WDR86: variants seen among roughly 807,000 people sequenced by gnomAD.
WDR86 encodes WD repeat-containing protein 86.
In WDR86, 30 loss-of-function variants were observed where a neutral mutation model predicts 36.5. The ratio of observed to expected loss-of-function variants is 0.82; its 90% CI spans 0.61 to 1.11. The LOEUF (loss-of-function observed/expected upper bound fraction) is 1.11, where lower values mean the gene tolerates loss of function less well. Among genes scored for constraint, WDR86 ranks in the 50% most tolerant of loss-of-function variants. WDR86 has a pLI of 0.00. For missense variants in WDR86, 545 were observed against 561.2 expected (o/e 0.97, Z 0.29); for synonymous variants, 255 against 252.9 (o/e 1.01, Z -0.08).
intron 2 of WDR86, among the ~76,000 whole-genome samples, chr7:151,398,446 AGT>A (rs1800040113): frequency 6.7e-6 from 1 of 148,984 alleles, no homozygotes; most frequent in East Asian, 2.0e-4. Flanking sequence ...GTTGTGTATG[AGT>A]GTATGTGTGT....
In WDR86 at chr7:151,388,201, C is replaced by T. The variant is rs1394093162; in HGVS notation, c.727-2978G>A. Among the ~76,000 whole-genome samples, 1 of 152,256 alleles carries T rather than the reference C, an allele frequency of 6.6e-6. No homozygotes were observed. Among genetic ancestry groups the T allele is most frequent in the African/African-American group, 2.4e-5 (1 of 41,460 alleles). On this transcript the variant is annotated intron_variant, in intron 3 of 5. Coordinates refer to ENST00000334493, the MANE Select transcript of WDR86 (RefSeq NM_198285.3). This position sits in a 1 kb window ranked among gnomAD's most constrained non-coding sequence, Gnocchi z 4.2. The stretch of plus-strand genomic sequence containing the variant: ...TCCTGTAGGTCTTTCTTTTCTCTGG[C>T]TGGATTTGAAATGCTTCGTTTCTTT...
At chr7:151,402,070 A>AAAAAT in intron 1 of WDR86, among the ~76,000 whole-genome samples, 13 of 50,524 alleles carry the variant, frequency 2.6e-4, no homozygotes, top group African/African-American at 9.4e-4. Flanking sequence ...AAAAAAAAAA[A>AAAAAT]ATATATATAT....
In WDR86 at chr7:151,406,418, A is replaced by G. The variant is rs1465664104; in HGVS notation, c.163+3009T>C. ...AGGAAAAGCGTACGTAGGAGTCGCC[A>G]GCCCCAGCCACTCTGCTCGAGAAAT... On this transcript the variant is annotated intron_variant, in intron 1 of 5. Transcript: ENST00000334493. The surrounding 1 kb of genome is among the most constrained non-coding windows in gnomAD (Gnocchi z 4.4). 1.3e-5 allele frequency among the ~76,000 whole-genome samples: 2 copies of G among 152,256 alleles called. No individual in the cohort carries two copies. Among genetic ancestry groups the G allele is most frequent in the Non-Finnish European group, 2.9e-5 (2 of 68,046 alleles).
downstream of WDR86, among the ~76,000 whole-genome samples, chr7:151,380,366 A>G (rs1265683936): frequency 2.6e-5 from 4 of 152,196 alleles, no homozygotes; most frequent in South Asian, 2.1e-4. Flanking sequence ...TATCTTCTGC[A>G]TTAAGACTAT....
At chr7:151,398,410 T>C (rs111065602) in intron 2 of WDR86, among the ~76,000 whole-genome samples, 1,068 of 98,480 alleles carry the variant, frequency 0.011, 20 homozygotes, top group African/African-American at 0.035. Flanking sequence ...TGTATATGTA[T>C]GTTGTGCGTG....
rs899228685 is a variant in WDR86, at chr7:151,405,034, C to T, written c.163+4393G>A. On this transcript the variant is annotated intron_variant, in intron 1 of 5. Coordinates refer to ENST00000334493, the MANE Select transcript of WDR86 (RefSeq NM_198285.3). This position sits in a 1 kb window ranked among gnomAD's most constrained non-coding sequence, Gnocchi z 4.7. ...CACTGCTGACCTGGTTTGCTCCAGC[C>T]CTTGTAGCACAAGGGTTATTTTCAC... Among the ~76,000 whole-genome samples, 3 of 152,166 alleles carry T rather than the reference C, an allele frequency of 2.0e-5. No individual in the cohort carries two copies. Among genetic ancestry groups the T allele is most frequent in the Non-Finnish European group, 4.4e-5 (3 of 68,016 alleles).
intron 3 of WDR86, among the ~76,000 whole-genome samples, chr7:151,395,358 G>A (rs944624118): frequency 5.9e-5 from 9 of 152,148 alleles, no homozygotes; most frequent in African/African-American, 2.2e-4. Flanking sequence ...TTCACGTGTC[G>A]CAGCCCTACC....
rs1259635807 is a variant in WDR86 at position 151,409,992 on chromosome 7, AGCCGAGCGCCCCGCGCCCTCCCCG to A, written c.-427_-404del. ...CTGGGGCGGGGAGAGGAACACGGGA[AGCCGAGCGCCCCGCGCCCTCCCCG>A]GCCGAGCGCGGAACAATACGGTCCA... is the stretch of plus-strand genomic sequence containing the variant. On this transcript the variant is annotated 5_prime_UTR_variant, in exon 1 of 6. Coordinates refer to ENST00000334493, the MANE Select transcript of WDR86 (RefSeq NM_198285.3). The surrounding 1 kb of genome is among the most constrained non-coding windows in gnomAD (Gnocchi z 5.2). 2 of 1,003,272 alleles carry A rather than the reference AGCCGAGCGCCCCGCGCCCTCCCCG, an allele frequency of 2.0e-6. No homozygotes were observed. The highest frequency in any genetic ancestry group is 2.4e-6 in the Non-Finnish European group (2 of 842,218). 62.1% of individuals were successfully genotyped at this position (1,003,272 alleles called of 1,614,324 possible). A position where few individuals can be genotyped will look rare whatever the true frequency, so the allele number is the denominator to read the frequency against.
At chr7:151,376,896 G>A, downstream of WDR86, 1 of 1,465,242 alleles carries the variant, frequency 6.8e-7, no homozygotes, top group African/African-American at 1.4e-5. Flanking sequence ...CGGCAGATGT[G>A]GAGACTGAGG....
At chr7:151,393,234 G>A (rs1331785987) in intron 3 of WDR86, among the ~76,000 whole-genome samples, 1 of 152,188 alleles carries the variant, frequency 6.6e-6, no homozygotes, top group Non-Finnish European at 1.5e-5. Context: ...TGTGCCTGTG[G>A]GGTGTGCGTT....
At chr7:151,397,650 G>A (rs1171855938) in intron 2 of WDR86, among the ~76,000 whole-genome samples, 1 of 127,760 alleles carries the variant, frequency 7.8e-6, no homozygotes, top group African/African-American at 2.9e-5. Context: ...GGGCATAGCG[G>A]GAGGAAGGGC....
chr7:151,373,123 C>T (rs992218392), downstream of WDR86, among the ~76,000 whole-genome samples: 6 of 152,148 alleles, frequency 3.9e-5, no homozygotes, highest in Non-Finnish European at 8.8e-5. Flanking sequence ...CTGGGCTGGG[C>T]AGGAGGCAGG....
chr7:151,375,168 C>T (rs1412812625), downstream of WDR86, among the ~76,000 whole-genome samples: 1 of 152,154 alleles, frequency 6.6e-6, no homozygotes, highest in Non-Finnish European at 1.5e-5. Context: ...CCGGAAGGCT[C>T]CACAAGTCAG....
rs561848212 is a variant in WDR86 at position 151,382,127 on chromosome 7, C to T, written c.863-146G>A. 7.3e-6 allele frequency: 5 copies of T among 682,348 alleles called. No homozygotes were observed. In the East Asian group the frequency reaches 1.1e-4, roughly 15 times the overall value. The allele number at this position is 682,348 out of a possible 1,614,324, so 42.3% of individuals were successfully genotyped here. Reference sequence around the variant, plus strand: ...GGCTCATATGGGAAGTGGACAGTGCCCCTCCAGAGAAACGGGTCCCCACGG... The same window carrying T: ...GGCTCATATGGGAAGTGGACAGTGCTCCTCCAGAGAAACGGGTCCCCACGG... On this transcript the variant is annotated intron_variant, in intron 4 of 5. Coordinates refer to ENST00000334493, the MANE Select transcript of WDR86 (RefSeq NM_198285.3).
Position 151,381,669 on chromosome 7 carries a change from G to T in WDR86, c.1044C>A (p.Ala348=), listed in dbSNP as rs1798579255. 7.1e-7 allele frequency: 1 copy of T among 1,415,714 alleles called. No individual in the cohort carries two copies. Among genetic ancestry groups the T allele is most frequent in the African/African-American group, 1.5e-5 (1 of 65,722 alleles). The allele number at this position is 1,415,714 out of a possible 1,614,324, so 87.7% of individuals were successfully genotyped here. The stretch of plus-strand genomic sequence containing the variant: ...TGCGCATGGGCGGAGGGGGCCGCGG[G>T]GCACCTCGGAGCCCGCGCACGTCCC... ...RLWDVRGLRG[A]PRPPPPMRSL... Residue 348 remains alanine, a synonymous_variant, in exon 6 of 6, where the codon GCC becomes GCA. Transcript: ENST00000334493. The surrounding 1 kb of genome is among the most constrained non-coding windows in gnomAD (Gnocchi z 4.8).
chr7:151,408,651 T>A (rs1800924083), intron 1 of WDR86: 5 of 300,442 alleles, frequency 1.7e-5, no homozygotes, highest in Non-Finnish European at 1.3e-5. Flanking sequence ...GCAGAAAGCC[T>A]CGCGGCTCAT....
chr7:151,370,097 CTT>C, the WDR86 span, among the ~76,000 whole-genome samples: 21 of 143,952 alleles, frequency 1.5e-4, no homozygotes, highest in African/African-American at 3.0e-4. Flanking sequence ...AAGCTGAGTT[CTT>C]TTTTTTTTTT....
rs187966238 is a variant in WDR86 at position 151,385,193 on chromosome 7, C to T, written c.757G>A (p.Ala253Thr). Residue 253 changes from alanine to threonine, a missense_variant, in exon 4 of 6, where the codon GCG (alanine) becomes ACG (threonine). By Grantham distance (58) the Ala-to-Thr change is moderately conservative. Coordinates refer to ENST00000334493, the MANE Select transcript of WDR86 (RefSeq NM_198285.3). ...LVNRLVYSGSADRTVKCWLAD... is the reference protein window; with the variant it reads ...LVNRLVYSGSTDRTVKCWLAD... Reference sequence around the variant, plus strand: ...AGCCAGCACTTGACGGTCCTGTCCGCGCTGCCAGAGTACACGAGTCGGTTC... The same window carrying T: ...AGCCAGCACTTGACGGTCCTGTCCGTGCTGCCAGAGTACACGAGTCGGTTC... 75 of 1,612,810 alleles carry T rather than the reference C, an allele frequency of 4.7e-5. No individual in the cohort carries two copies. Among genetic ancestry groups the T allele is most frequent in the South Asian group, 3.4e-4 (31 of 91,070 alleles).
chr7:151,395,722 C>A, intron 3 of WDR86, 54 bp downstream of exon 3: 1 of 1,499,768 alleles, frequency 6.7e-7, no homozygotes, highest in South Asian at 1.3e-5. Context: ...GGCGGCAGTG[C>A]AGGGGGTGAC....
Sources: allele counts gnomAD v4.1 joint callset (sites outside exome capture counted in the v4.1 genomes callset), GRCh38; gene constraint gnomAD v4.1.1; non-coding constraint Gnocchi (gnomAD v3.1); transcripts MANE v1.5; gene names NCBI Gene and HGNC (gene_info 2026-07-23, HGNC 2026-07-21).